Variants in TOMM20L observed in about 807,000 individuals in gnomAD.
TOMM20L encodes the protein translocase of outer mitochondrial membrane 20 like, also known as TOMM20-like protein 1.
A neutral mutation model predicts 20.4 loss-of-function variants in TOMM20L; 19 were observed. The observed-to-expected ratio is 0.93, with a 90% confidence interval of 0.65 to 1.36. The LOEUF (loss-of-function observed/expected upper bound fraction) is 1.36, where lower values mean the gene tolerates loss of function less well. TOMM20L is among the 40% of genes most tolerant of loss of function. The pLI is 0.00. For missense variants in TOMM20L, 218 were observed against 203.7 expected (o/e 1.07, Z -0.43); for synonymous variants, 75 against 79.6 (o/e 0.94, Z 0.30).
At chr14:58,409,839 A>G (rs2036155406), downstream of TOMM20L, among the ~76,000 whole-genome samples, 1 of 151,958 alleles carries the variant, frequency 6.6e-6, no homozygotes, top group African/African-American at 2.4e-5. Context: ...CAGCCTCCCA[A>G]TGTGCTGAAG....
intron 4 of TOMM20L, 142 bp downstream of exon 4, chr14:58,407,610 A>G (rs2036081289): frequency 1.2e-6 from 1 of 803,962 alleles, no homozygotes; most frequent in East Asian, 3.1e-5. Flanking sequence ...GGCTGCTTTA[A>G]CACGAAGCAA....
At chr14:58,407,680 T>G (rs141226320) in intron 4 of TOMM20L, among the ~76,000 whole-genome samples, 51 of 152,346 alleles carry the variant, frequency 3.3e-4, no homozygotes, top group Middle Eastern at 3.4e-3. Context: ...ATTATCCGTA[T>G]TTCAACAGTT....
chr14:58,411,947 T>C (rs1566747473), downstream of TOMM20L: 3 of 1,613,662 alleles, frequency 1.9e-6, no homozygotes, highest in Non-Finnish European at 2.5e-6. Flanking sequence ...TGCAGCCATA[T>C]TCTTCTGGTA....
rs1471198420 is a variant in TOMM20L, at chr14:58,396,224, C to A, written c.137-74C>A. 6 of 1,586,910 alleles carry A rather than the reference C, an allele frequency of 3.8e-6. No individual in the cohort carries two copies. In the African/African-American group the frequency reaches 4.1e-5, roughly 11 times the overall value. On this transcript the variant is annotated intron_variant, in intron 1 of 4. Coordinates refer to ENST00000360945, the MANE Select transcript of TOMM20L (RefSeq NM_207377.3). Reference sequence around the variant, plus strand: ...TGCCGAGGGGCCCGCGGCGCCCGGGCAGGCAGGACCACTGGGCCCACGCGT... The same window carrying A: ...TGCCGAGGGGCCCGCGGCGCCCGGGAAGGCAGGACCACTGGGCCCACGCGT...
chr14:58,408,417 C>CAA (rs372466195), intron 4 of TOMM20L, 112 bp from the exon 5 acceptor site: 6,278 of 712,496 alleles, frequency 8.8e-3, no homozygotes, highest in Non-Finnish European at 9.5e-3. Context: ...AACTCCGTCT[C>CAA]AAAAAAAAAA....
chr14:58,414,065 CAG>C, the TOMM20L span, among the ~76,000 whole-genome samples: 1 of 45,152 alleles, frequency 2.2e-5, no homozygotes, highest in Non-Finnish European at 4.6e-5. Flanking sequence ...CTGTTTGAAA[CAG>C]AAATTAAACA....
chr14:58,406,261 C>CCA (rs1241474510), intron 3 of TOMM20L, among the ~76,000 whole-genome samples: 1 of 152,140 alleles, frequency 6.6e-6, no homozygotes, highest in Admixed American at 6.6e-5. Context: ...ATTGTTAGCA[C>CCA]CACCAATCTT....
At chr14:58,408,834 G>A, downstream of TOMM20L, 1 of 768,812 alleles carries the variant, frequency 1.3e-6, no homozygotes, top group Non-Finnish European at 2.0e-6. Flanking sequence ...TTATTTCACT[G>A]AACAATAAGA....
chr14:58,395,973 T>C lies in TOMM20L; in HGVS notation c.16T>C (p.Ser6Pro). 6.9e-7 allele frequency: 1 copy of C among 1,447,676 alleles called. No individual in the cohort carries two copies. The highest frequency in any genetic ancestry group is 9.1e-7 in the Non-Finnish European group (1 of 1,093,002). 89.7% of individuals were successfully genotyped at this position (1,447,676 alleles called of 1,614,324 possible). A position where few individuals can be genotyped will look rare whatever the true frequency, so the allele number is the denominator to read the frequency against. The part of the protein sequence containing the change: MPSVR[S>P]LLRLLAAAAA... ...CCGCGGTCGGATGCCCTCCGTCCGC[T>C]CCCTCCTCCGCCTCTTGGCCGCCGC... Residue 6 changes from serine (S) to proline (P), a missense_variant, in exon 1 of 5, where the codon TCC becomes CCC. By Grantham distance (74) the Ser-to-Pro change is moderately conservative. Transcript: ENST00000360945.
intron 2 of TOMM20L, 22 bp downstream of exon 2, chr14:58,396,363 C>G: frequency 6.2e-7 from 1 of 1,612,838 alleles, no homozygotes. Flanking sequence ...TCGATCCGCA[C>G]AGGTAGCTCA....
chr14:58,402,601 T>C lies in TOMM20L; in HGVS notation c.181-79T>C. On this transcript the variant is annotated intron_variant, in intron 2 of 4. Transcript: ENST00000360945. ...CCGCATCTGGCCCAAGATGTCCTTT[T>C]TAAATAAAAAATAATTTGATCAGTA... is the stretch of plus-strand genomic sequence containing the variant. The C allele has an allele frequency of 1.7e-6, 2 of 1,201,402 alleles. 1 individual carries two copies. Among genetic ancestry groups the C allele is most frequent in the South Asian group, 2.6e-5 (2 of 77,602 alleles). 74.4% of individuals were successfully genotyped at this position (1,201,402 alleles called of 1,614,324 possible).
At position 58,407,322 on chromosome 14, in the gene TOMM20L, T is replaced by C; in HGVS notation, c.263-4T>C. The C allele has an allele frequency of 1.9e-6, 3 of 1,592,770 alleles. No individual in the cohort carries two copies. Among genetic ancestry groups the C allele is most frequent in the Non-Finnish European group, 2.6e-6 (3 of 1,173,508 alleles). On this transcript the variant is annotated splice_region_variant and splice_polypyrimidine_tract_variant and intron_variant, in intron 3 of 4. Transcript: ENST00000360945. ...TTTGCTCAAAACTTGTCATTCTGTT[T>C]CAGGAGAGCACAGAATGGGGATTCA...
At chr14:58,410,074 TTTG>T (rs766707637), downstream of TOMM20L, among the ~76,000 whole-genome samples, 4 of 151,636 alleles carry the variant, frequency 2.6e-5, no homozygotes, top group South Asian at 2.1e-4. Flanking sequence ...GCTGGTGCTT[TTTG>T]TTGTTGTTGT....
chr14:58,396,177 G>C (rs940954328), intron 1 of TOMM20L, 84 bp downstream of exon 1: 1 of 1,385,162 alleles, frequency 7.2e-7, no homozygotes, highest in Non-Finnish European at 9.4e-7. Context: ...CTGAGAGGCC[G>C]GGCCGTGAGT....
the TOMM20L span, among the ~76,000 whole-genome samples, chr14:58,416,699 T>C: frequency 2.6e-5 from 4 of 152,338 alleles, no homozygotes; most frequent in Admixed American, 2.6e-4. Flanking sequence ...TAAATGTATG[T>C]AGACAATTAA....
downstream of TOMM20L, among the ~76,000 whole-genome samples, chr14:58,413,125 G>A (rs1339137548): frequency 6.6e-6 from 1 of 151,948 alleles, no homozygotes; most frequent in East Asian, 1.9e-4. Flanking sequence ...TCCTTTTCTG[G>A]TAGTAAGTCT....
At chr14:58,400,740 T>C (rs914313821) in intron 2 of TOMM20L, among the ~76,000 whole-genome samples, 3 of 151,890 alleles carry the variant, frequency 2.0e-5, no homozygotes, top group African/African-American at 7.3e-5. Context: ...TGGCTGGGCA[T>C]AGTGGCGTGC....
chr14:58,404,323 GT>G (rs1292432820), intron 3 of TOMM20L, among the ~76,000 whole-genome samples: 4 of 145,470 alleles, frequency 2.7e-5, no homozygotes, highest in Non-Finnish European at 6.0e-5. Context: ...TAGAGACGGG[GT>G]TTCACCGTTT....
chr14:58,396,234 C>T, intron 1 of TOMM20L, 64 bp from the exon 2 acceptor site: 1 of 1,603,716 alleles, frequency 6.2e-7, no homozygotes, highest in South Asian at 1.1e-5. Flanking sequence ...CAGGCAGGAC[C>T]ACTGGGCCCA....
Sources: gnomAD v4.1 joint callset for allele counts (sites outside exome capture counted in the v4.1 genomes callset) on GRCh38, gnomAD v4.1.1 for gene constraint, MANE v1.5 for transcripts, NCBI Gene and HGNC (gene_info 2026-07-23, HGNC 2026-07-21) for gene names.